Variants in CLEC5A observed in about 807,000 individuals in gnomAD.
The protein encoded by CLEC5A is C-type lectin domain family 5 member A.
CLEC5A carries 15 observed loss-of-function variants against 24.4 expected under a neutral mutation model. That is an observed-to-expected ratio of 0.62 (90% CI 0.41 to 0.95). The LOEUF (loss-of-function observed/expected upper bound fraction) is 0.95, where lower values mean the gene tolerates loss of function less well. Ranked by LOEUF, CLEC5A falls within the 40% of genes least tolerant of loss-of-function variation. The pLI, the probability that CLEC5A is intolerant of heterozygous loss-of-function variation, is 0.00. For synonymous variants in CLEC5A, 71 were observed against 72.6 expected (o/e 0.98, Z 0.11); for missense variants, 211 against 224.0 (o/e 0.94, Z 0.37).
chr7:141,938,212 A>G (rs1412314775), intron 4 of CLEC5A, among the ~76,000 whole-genome samples: 1 of 152,210 alleles, frequency 6.6e-6, no homozygotes, highest in African/African-American at 2.4e-5. Flanking sequence ...AAACAGAAAT[A>G]TGTGACCTTT....
At chr7:141,936,047 T>C (rs577190607) in intron 4 of CLEC5A, 97 bp from the exon 5 acceptor site, 11 of 1,036,876 alleles carry the variant, frequency 1.1e-5, no homozygotes, top group East Asian at 2.4e-5. Context: ...TTTGCTTTGT[T>C]TTAACAATTA....
Position 141,931,741 on chromosome 7 carries a change from T to C in CLEC5A, c.431A>G (p.Asn144Ser), listed in dbSNP as rs1554440384. 5 of 1,589,962 alleles carry C rather than the reference T, an allele frequency of 3.1e-6. No homozygotes were observed. The South Asian group carries it at 5.5e-5, about 18-fold the overall frequency. The change falls in exon 6 of 7, where the codon AAC becomes AGC. Residue 144 changes from asparagine to serine, a missense_variant. Transcript: ENST00000546910. ...GTACTTGCCATTGAACACAGAGTTG[T>C]TGATCCAACGCCACCTTTTCTCTTC... ...HREEKRWRWI[N>S]NSVFNGNVTN...
At position 141,929,023 on chromosome 7, in the gene CLEC5A, CT is replaced by C. The variant is rs1288218667; in HGVS notation, c.*1080del. ...CTTCCAGTGTGGCCAAATGAACTCC[CT>C]GTTTCCTGTCTCAGGTGATTTCCAT... On this transcript the variant is annotated 3_prime_UTR_variant, in exon 7 of 7. Transcript: ENST00000546910. 1 of 152,216 alleles carries C rather than the reference CT, an allele frequency of 6.6e-6. No homozygotes were observed. The highest frequency in any genetic ancestry group is 1.5e-5 in the Non-Finnish European group (1 of 68,068). 9.4% of individuals were successfully genotyped at this position (152,216 alleles called of 1,614,324 possible).
chr7:141,944,025 A>G (rs1447756398), intron 3 of CLEC5A, 61 bp from the exon 4 acceptor site: 1 of 966,410 alleles, frequency 1.0e-6, no homozygotes, highest in Non-Finnish European at 1.7e-6. Context: ...AAACAGAAAC[A>G]TCAGAGTATG....
intron 5 of CLEC5A, among the ~76,000 whole-genome samples, chr7:141,935,164 C>T (rs78845825): frequency 0.021 from 3,263 of 152,166 alleles, 54 homozygotes; most frequent in Middle Eastern, 0.075. Flanking sequence ...GGGATAGAAG[C>T]GAGAGAAGCA....
At chr7:141,930,681 T>C (rs1458250347) in intron 6 of CLEC5A, among the ~76,000 whole-genome samples, 1 of 152,194 alleles carries the variant, frequency 6.6e-6, no homozygotes, top group Non-Finnish European at 1.5e-5. Flanking sequence ...TTGTTGGCTC[T>C]CCCACCTCTT....
At chr7:141,943,225 T>C (rs1244659068) in intron 4 of CLEC5A, among the ~76,000 whole-genome samples, 6 of 152,242 alleles carry the variant, frequency 3.9e-5, no homozygotes, top group South Asian at 2.1e-4. Flanking sequence ...ATATACACAA[T>C]GGAGTACTGT....
chr7:141,929,908 T>A lies in CLEC5A; in HGVS notation c.*196A>T, dbSNP rs1802400862. ...CCTCATCTCTATACTAACTGAGTTG[T>A]TTCCGTAAAACTGATCCTGTCTCCT... On this transcript the variant is annotated 3_prime_UTR_variant, in exon 7 of 7. Coordinates refer to ENST00000546910, the MANE Select transcript of CLEC5A (RefSeq NM_013252.3). 1.8e-6 allele frequency: 1 copy of A among 558,910 alleles called. No homozygotes were observed. Among genetic ancestry groups the A allele is most frequent in the Non-Finnish European group, 3.2e-6 (1 of 312,332 alleles). The allele number at this position is 558,910 out of a possible 1,614,324, so 34.6% of individuals were successfully genotyped here.
rs1232398611 is a variant in CLEC5A at position 141,927,731 on chromosome 7, T to G, written c.*2373A>C. The G allele has an allele frequency of 6.6e-6, 1 of 152,228 alleles. No individual in the cohort carries two copies. Among genetic ancestry groups the G allele is most frequent in the East Asian group, 1.9e-4 (1 of 5,198 alleles). The allele number at this position is 152,228 out of a possible 1,614,324, so 9.4% of individuals were successfully genotyped here. A position where few individuals can be genotyped will look rare whatever the true frequency, so the allele number is the denominator to read the frequency against. ...CCCTTCTCTGACTTGCACAAATTTTTATTCCCATATTATAAATGAGTAAAC... is the reference window on the plus strand; with the variant it reads ...CCCTTCTCTGACTTGCACAAATTTTGATTCCCATATTATAAATGAGTAAAC... On this transcript the variant is annotated 3_prime_UTR_variant, in exon 7 of 7. Coordinates refer to ENST00000546910, the MANE Select transcript of CLEC5A (RefSeq NM_013252.3).
At chr7:141,946,429 A>G (rs1208208897) in intron 1 of CLEC5A, 117 bp from the exon 2 acceptor site, 5 of 882,404 alleles carry the variant, frequency 5.7e-6, no homozygotes, top group Non-Finnish European at 8.6e-6. Context: ...GAAGACAGGC[A>G]TGACATTGAC....
At chr7:141,942,658 AT>A (rs1802831528) in intron 4 of CLEC5A, among the ~76,000 whole-genome samples, 1 of 152,152 alleles carries the variant, frequency 6.6e-6, no homozygotes, top group African/African-American at 2.4e-5. Context: ...ATGGAAAAAA[AT>A]GTTTGAAAAC....
intron 5 of CLEC5A, among the ~76,000 whole-genome samples, chr7:141,934,929 T>G (rs1802574394): frequency 6.6e-6 from 1 of 152,152 alleles, no homozygotes; most frequent in Non-Finnish European, 1.5e-5. Context: ...GTGGCAGACT[T>G]GTCACACTTG....
At position 141,928,720 on chromosome 7, in the gene CLEC5A, T is replaced by C. The variant is rs1802367588; in HGVS notation, c.*1384A>G. ...CTTAGTGTTGTAATAAAAAATATGA[T>C]TTACAACAATCTTGTTTGGTATACA... On this transcript the variant is annotated 3_prime_UTR_variant, in exon 7 of 7. Transcript: ENST00000546910. 1 of 152,200 alleles carries C rather than the reference T, an allele frequency of 6.6e-6. No homozygotes were observed. Among genetic ancestry groups the C allele is most frequent in the African/African-American group, 2.4e-5 (1 of 41,446 alleles). The allele number at this position is 152,200 out of a possible 1,614,324, so 9.4% of individuals were successfully genotyped here.
At chr7:141,936,756 C>G (rs527873496) in intron 4 of CLEC5A, among the ~76,000 whole-genome samples, 1 of 152,076 alleles carries the variant, frequency 6.6e-6, no homozygotes, top group Non-Finnish European at 1.5e-5. Flanking sequence ...GCTCTCCCAA[C>G]CCCAAGCAGC....
In CLEC5A at chr7:141,928,259, A is replaced by G. The variant is rs1242912938; in HGVS notation, c.*1845T>C. On this transcript the variant is annotated 3_prime_UTR_variant, in exon 7 of 7. Transcript: ENST00000546910. ...TGTCTCCTAATCTTGGGGGAAATTA[A>G]ACTGTCTACTAAAGAAATCACTAGA... 1.3e-5 allele frequency: 2 copies of G among 152,604 alleles called. No homozygotes were observed. The highest frequency in any genetic ancestry group is 2.4e-5 in the African/African-American group (1 of 41,440). The allele number at this position is 152,604 out of a possible 1,614,324, so 9.5% of individuals were successfully genotyped here.
intron 5 of CLEC5A, among the ~76,000 whole-genome samples, chr7:141,935,548 G>A (rs888686395): frequency 2.0e-5 from 3 of 152,096 alleles, no homozygotes; most frequent in Admixed American, 1.3e-4. Flanking sequence ...CCATCCCCAG[G>A]ATATCAGCTA....
At chr7:141,937,873 G>A (rs1421422919) in intron 4 of CLEC5A, among the ~76,000 whole-genome samples, 5 of 152,212 alleles carry the variant, frequency 3.3e-5, no homozygotes, top group African/African-American at 9.6e-5. Flanking sequence ...AAGAATAAGA[G>A]TCTCTGTCTG....
chr7:141,936,375 AAAGT>A (rs1320274233), intron 4 of CLEC5A: 1 of 253,116 alleles, frequency 4.0e-6, no homozygotes, highest in African/African-American at 2.3e-5. Context: ...ATGGCATGGT[AAAGT>A]GTATGTGCAT....
intron 5 of CLEC5A, among the ~76,000 whole-genome samples, chr7:141,934,443 G>C (rs981721685): frequency 1.3e-5 from 2 of 152,050 alleles, no homozygotes; most frequent in Non-Finnish European, 2.9e-5. Flanking sequence ...GGAAGAGTGG[G>C]GGGGTCAAAT....
Sources: gnomAD v4.1 joint callset for allele counts (sites outside exome capture counted in the v4.1 genomes callset) on GRCh38, gnomAD v4.1.1 for gene constraint, MANE v1.5 for transcripts, NCBI Gene and HGNC (gene_info 2026-07-23, HGNC 2026-07-21) for gene names.